Variants in GUCY1A2 observed in about 807,000 individuals in gnomAD.
GUCY1A2 encodes the protein guanylate cyclase 1 soluble subunit alpha 2.
A neutral mutation model predicts 63.5 loss-of-function variants in GUCY1A2; 27 were observed. The ratio of observed to expected loss-of-function variants is 0.43; its 90% CI spans 0.31 to 0.59. The LOEUF (loss-of-function observed/expected upper bound fraction) is 0.59, where lower values mean the gene tolerates loss of function less well. GUCY1A2 is among the 20% of genes least tolerant of loss of function. GUCY1A2 has a pLI of 0.11. For synonymous variants in GUCY1A2, 364 were observed against 343.5 expected, an observed-to-expected ratio of 1.06 and a Z score of -0.66; for missense variants, 768 against 913.3, an observed-to-expected ratio of 0.84 and a Z score of 2.05.
At chr11:106,936,792 C>T (rs1860684322) in intron 4 of GUCY1A2, 1 of 705,852 alleles carries the variant, frequency 1.4e-6, no homozygotes, top group Non-Finnish European at 2.4e-6. Context: ...TTATGAGAGC[C>T]CTCAATGTTA....
chr11:106,829,349 T>C (rs915053917), intron 4 of GUCY1A2, among the ~76,000 whole-genome samples: 2 of 152,120 alleles, frequency 1.3e-5, no homozygotes, highest in African/African-American at 2.4e-5. Context: ...TTTCCATACA[T>C]GGTGTGGAAA....
At position 106,956,352 on chromosome 11, in the gene GUCY1A2, T is replaced by G. The variant is rs189828977; in HGVS notation, c.488-16174A>C. Among the ~76,000 whole-genome samples the G allele has an allele frequency of 8.3e-4, 126 of 152,220 alleles. 1 individual carries two copies. The highest frequency in any genetic ancestry group is 2.9e-3 in the African/African-American group (120 of 41,550). ...TTGTAATCATTTGGAGATGAAGCAC[T>G]CTGGCCTTTTGGGTTTACAGCATTT... On this transcript the variant is annotated intron_variant, in intron 3 of 7. Coordinates refer to ENST00000526355, the MANE Select transcript of GUCY1A2 (RefSeq NM_000855.3).
At chr11:106,905,666 T>C (rs1049482952) in intron 4 of GUCY1A2, among the ~76,000 whole-genome samples, 2 of 152,042 alleles carry the variant, frequency 1.3e-5, no homozygotes, top group African/African-American at 4.8e-5. Context: ...GAATCACTCA[T>C]GGCCGGTCTA....
chr11:106,781,100 G>A (rs1489749105), intron 5 of GUCY1A2, among the ~76,000 whole-genome samples: 3 of 92,838 alleles, frequency 3.2e-5, no homozygotes, highest in African/African-American at 1.1e-4. Context: ...AGTGGACATG[G>A]TAAACAGACT....
chr11:106,971,015 C>T (rs1861186162), intron 3 of GUCY1A2, among the ~76,000 whole-genome samples: 1 of 151,940 alleles, frequency 6.6e-6, no homozygotes, highest in South Asian at 2.1e-4. Context: ...CTGGTGAAGG[C>T]AAAACTATAG....
intron 4 of GUCY1A2, among the ~76,000 whole-genome samples, chr11:106,887,882 G>A (rs1390358451): frequency 6.6e-6 from 1 of 152,276 alleles, no homozygotes; most frequent in East Asian, 1.9e-4. Context: ...ATTAATTCCA[G>A]CCTTATATTC....
intron 5 of GUCY1A2, among the ~76,000 whole-genome samples, chr11:106,806,913 A>G (rs1439352930): frequency 6.6e-6 from 1 of 152,186 alleles, no homozygotes; most frequent in Non-Finnish European, 1.5e-5. Context: ...TCTTCACTCT[A>G]TCATCTGCCT....
At position 106,685,777 on chromosome 11, in the gene GUCY1A2, T is replaced by TAG; in HGVS notation, c.*1771_*1772insCT. On this transcript the variant is annotated 3_prime_UTR_variant, in exon 8 of 8. Transcript: ENST00000526355. ...AGGCAAAGGTTTAGAGCTCAAGGTC[T>TAG]ATTTCCTGTCTTCTCCATATAAAGA... 1 of 227,108 alleles carries TAG rather than the reference T, an allele frequency of 4.4e-6. No homozygotes were observed. The highest frequency in any genetic ancestry group is 8.8e-6 in the Non-Finnish European group (1 of 114,090). 14.1% of individuals were successfully genotyped at this position (227,108 alleles called of 1,614,324 possible). A position where few individuals can be genotyped will look rare whatever the true frequency, so the allele number is the denominator to read the frequency against.
rs570732909 is a variant in GUCY1A2 at position 106,679,667 on chromosome 11, G to A, written c.*7882C>T. 6.0e-5 allele frequency: 13 copies of A among 216,290 alleles called. No individual in the cohort carries two copies. The South Asian group carries it at 7.4e-4, about 12-fold the overall frequency. 13.4% of individuals were successfully genotyped at this position (216,290 alleles called of 1,614,324 possible). Reference sequence around the variant, plus strand: ...GTTATAAAAGGAAAAAATATAGTTTGTTTTAATATCACTTGCATAGTGTTA... The same window carrying A: ...GTTATAAAAGGAAAAAATATAGTTTATTTTAATATCACTTGCATAGTGTTA... On this transcript the variant is annotated 3_prime_UTR_variant, in exon 8 of 8. Transcript: ENST00000526355.
chr11:106,812,861 ATAAAG>A (rs1197090768), intron 4 of GUCY1A2, among the ~76,000 whole-genome samples: 1 of 152,156 alleles, frequency 6.6e-6, no homozygotes, highest in African/African-American at 2.4e-5. Flanking sequence ...GCCCAAAGAA[ATAAAG>A]TAAATAACTT....
intron 4 of GUCY1A2, among the ~76,000 whole-genome samples, chr11:106,938,356 C>G (rs1034132076): frequency 2.6e-5 from 4 of 152,166 alleles, no homozygotes; most frequent in Non-Finnish European, 5.9e-5. Flanking sequence ...TTAAGCGCTG[C>G]TTTCAGAGGG....
chr11:106,864,854 C>A (rs1313151514), intron 4 of GUCY1A2, among the ~76,000 whole-genome samples: 2 of 152,040 alleles, frequency 1.3e-5, no homozygotes, highest in African/African-American at 4.8e-5. Context: ...CAATGTTCAT[C>A]AGGGATATTG....
chr11:106,867,627 G>T (rs568830796), intron 4 of GUCY1A2, among the ~76,000 whole-genome samples: 1 of 151,944 alleles, frequency 6.6e-6, no homozygotes, highest in Non-Finnish European at 1.5e-5. Flanking sequence ...CAAGTTCAAC[G>T]ACACAGCATG....
chr11:106,676,901 A>G lies in GUCY1A2; in HGVS notation c.*10648T>C, dbSNP rs1862355722. ...CAGATTGACCCTGATACTTCTTGAA[A>G]AAGTGTTTAAATTCAATGAAAATGA... On this transcript the variant is annotated 3_prime_UTR_variant, in exon 8 of 8. Coordinates refer to ENST00000526355, the MANE Select transcript of GUCY1A2 (RefSeq NM_000855.3). 4.9e-6 allele frequency: 1 copy of G among 205,866 alleles called. No individual in the cohort carries two copies. The highest frequency in any genetic ancestry group is 5.9e-5 in the Admixed American group (1 of 16,810). 12.8% of individuals were successfully genotyped at this position (205,866 alleles called of 1,614,324 possible).
intron 4 of GUCY1A2, among the ~76,000 whole-genome samples, chr11:106,912,654 C>T (rs1860311815): frequency 6.6e-6 from 1 of 152,050 alleles, no homozygotes; most frequent in Non-Finnish European, 1.5e-5. Flanking sequence ...AAGCTTGGCA[C>T]AATCCTGTCA....
chr11:106,703,971 A>G (rs1008892331), intron 7 of GUCY1A2, among the ~76,000 whole-genome samples: 1 of 152,062 alleles, frequency 6.6e-6, no homozygotes, highest in Admixed American at 6.6e-5. Flanking sequence ...GGAATTTCCC[A>G]TGTACACAGC....
chr11:106,958,901 C>T (rs1861024535), intron 3 of GUCY1A2, among the ~76,000 whole-genome samples: 1 of 152,162 alleles, frequency 6.6e-6, no homozygotes, highest in Non-Finnish European at 1.5e-5. Context: ...TCACATTTTT[C>T]ATGCCCAATT....
chr11:106,836,103 G>T (rs1042474604), intron 4 of GUCY1A2, among the ~76,000 whole-genome samples: 3 of 151,854 alleles, frequency 2.0e-5, no homozygotes, highest in Non-Finnish European at 4.4e-5. Flanking sequence ...AGATTAAAAA[G>T]AGTAAATTAT....
intron 4 of GUCY1A2, among the ~76,000 whole-genome samples, chr11:106,894,052 T>C (rs1028355628): frequency 3.9e-5 from 6 of 152,142 alleles, no homozygotes; most frequent in African/African-American, 1.4e-4. Flanking sequence ...AGAATATATG[T>C]AATCACTGCC....
Sources: gnomAD v4.1 joint callset for allele counts (sites outside exome capture counted in the v4.1 genomes callset) on GRCh38, gnomAD v4.1.1 for gene constraint, MANE v1.5 for transcripts, NCBI Gene and HGNC (gene_info 2026-07-23, HGNC 2026-07-21) for gene names.